The following LRP1B variants were observed in gnomAD, a reference collection of about 807,000 sequenced individuals.
LRP1B encodes the protein low-density lipoprotein receptor-related protein 1B.
A neutral mutation model predicts 556.6 loss-of-function variants in LRP1B; 217 were observed. The observed-to-expected ratio is 0.39, with a 90% CI of 0.35 to 0.44. The LOEUF is 0.44. Ranked by LOEUF, LRP1B falls within the 20% of genes least tolerant of loss-of-function variation. The probability of loss-of-function intolerance (pLI) is 1.00; values close to 1 mark genes in which losing one functional copy is unlikely to be tolerated. For synonymous variants in LRP1B, 2,047 were observed against 1,865.8 expected (o/e 1.10, Z -2.50); for missense variants, 5,053 against 5,620.8 (o/e 0.90, Z 3.23).
chr2:140,695,195 T>C (rs1223741918), intron 41 of LRP1B, among the ~76,000 whole-genome samples: 1 of 151,192 alleles, frequency 6.6e-6, no homozygotes, highest in Non-Finnish European at 1.5e-5. Flanking sequence ...CTCTACTGGG[T>C]GGTTTTAGAG....
chr2:141,525,885 CG>C (rs1354011435), intron 2 of LRP1B, among the ~76,000 whole-genome samples: 1 of 151,816 alleles, frequency 6.6e-6, no homozygotes, highest in African/African-American at 2.4e-5. Context: ...CAAAAAATAT[CG>C]TTTATTTGAA....
chr2:140,558,432 T>C (rs1680811878), intron 43 of LRP1B, among the ~76,000 whole-genome samples: 1 of 152,156 alleles, frequency 6.6e-6, no homozygotes, highest in Admixed American at 6.6e-5. Context: ...AAGTGAAGTA[T>C]GAATGCATGC....
At chr2:141,407,509 C>T (rs901418265) in intron 3 of LRP1B, among the ~76,000 whole-genome samples, 1 of 152,060 alleles carries the variant, frequency 6.6e-6, no homozygotes, top group Non-Finnish European at 1.5e-5. Flanking sequence ...ATCATACAGG[C>T]GGATCCCTCA....
At chr2:140,477,056 A>T (rs2105350393) in intron 59 of LRP1B, among the ~76,000 whole-genome samples, 1 of 152,194 alleles carries the variant, frequency 6.6e-6, no homozygotes. Context: ...TTCTAAGAAA[A>T]CATACAATTC....
intron 59 of LRP1B, among the ~76,000 whole-genome samples, chr2:140,479,803 A>G (rs1302527271): frequency 6.6e-6 from 1 of 152,234 alleles, no homozygotes; most frequent in African/African-American, 2.4e-5. Context: ...GTGAATATAT[A>G]GTTTAATGAA....
At chr2:141,026,354 A>C (rs1370251374) in intron 11 of LRP1B, among the ~76,000 whole-genome samples, 2 of 152,074 alleles carry the variant, frequency 1.3e-5, no homozygotes, top group African/African-American at 4.8e-5. Flanking sequence ...TAAACATTCA[A>C]AAAGTTGCAT....
intron 2 of LRP1B, among the ~76,000 whole-genome samples, chr2:141,754,375 T>C (rs1374605176): frequency 1.3e-5 from 2 of 152,174 alleles, no homozygotes; most frequent in Non-Finnish European, 2.9e-5. Context: ...GATTTGGAAA[T>C]GCATGGATTA....
intron 1 of LRP1B, among the ~76,000 whole-genome samples, chr2:141,985,556 G>T (rs912682255): frequency 6.6e-6 from 1 of 151,804 alleles, no homozygotes. Flanking sequence ...AGTTAGACGT[G>T]ATGTTATAAA....
At chr2:141,244,155 C>A (rs991912388) in intron 5 of LRP1B, among the ~76,000 whole-genome samples, 1 of 152,186 alleles carries the variant, frequency 6.6e-6, no homozygotes, top group Non-Finnish European at 1.5e-5. Context: ...CTGCCTCTCT[C>A]TGCCGTCACA....
At chr2:141,871,825 A>C (rs940421929) in intron 1 of LRP1B, among the ~76,000 whole-genome samples, 1 of 152,016 alleles carries the variant, frequency 6.6e-6, no homozygotes, top group African/African-American at 2.4e-5. Flanking sequence ...TACAGATGAA[A>C]AGAAGAGGAA....
chr2:141,950,201 T>C lies in LRP1B; in HGVS notation c.83-139800A>G, dbSNP rs916704163. On this transcript the variant is annotated intron_variant, in intron 1 of 90. Coordinates refer to ENST00000389484, the MANE Select transcript of LRP1B (RefSeq NM_018557.3). ...AGATAGGCTTTAAAATGTTAAATAT[T>C]TTATCTTATTTTCCAAATTGAATTT... Among the ~76,000 whole-genome samples, 61 of 152,152 alleles carry C rather than the reference T, an allele frequency of 4.0e-4. 1 individual carries two copies. Among genetic ancestry groups the C allele is most frequent in the Non-Finnish European group, 7.4e-5 (5 of 68,008 alleles).
intron 35 of LRP1B, among the ~76,000 whole-genome samples, chr2:140,752,884 T>G (rs1688629141): frequency 6.6e-6 from 1 of 152,284 alleles, no homozygotes; most frequent in East Asian, 1.9e-4. Flanking sequence ...TGACACATTG[T>G]CACCTAAAGT....
intron 5 of LRP1B, among the ~76,000 whole-genome samples, chr2:141,233,421 T>C (rs566167131): frequency 7.9e-5 from 12 of 152,314 alleles, no homozygotes; most frequent in Non-Finnish European, 1.8e-4. Context: ...GTATTTGTGC[T>C]CTGTATGATC....
intron 6 of LRP1B, among the ~76,000 whole-genome samples, chr2:141,205,912 T>C (rs1014849914): frequency 6.6e-6 from 1 of 152,208 alleles, no homozygotes; most frequent in Admixed American, 6.5e-5. Context: ...TCCTGCCAGA[T>C]GTGACCCGTT....
intron 2 of LRP1B, among the ~76,000 whole-genome samples, chr2:141,499,499 TTTAG>T (rs1683636712): frequency 1.3e-5 from 2 of 152,030 alleles, no homozygotes; most frequent in Admixed American, 6.6e-5. Flanking sequence ...TGCTTTGAGT[TTTAG>T]TTTGTTTGTT....
intron 3 of LRP1B, among the ~76,000 whole-genome samples, chr2:141,284,932 G>C (rs928800074): frequency 6.6e-6 from 1 of 152,076 alleles, no homozygotes; most frequent in Non-Finnish European, 1.5e-5. Flanking sequence ...GCTTCGATGA[G>C]TCTAGGTCCT....
At chr2:140,900,166 G>T (rs1694064090) in intron 23 of LRP1B, among the ~76,000 whole-genome samples, 1 of 152,120 alleles carries the variant, frequency 6.6e-6, no homozygotes, top group African/African-American at 2.4e-5. Flanking sequence ...AGTTATCTCT[G>T]TCCCTGGTCA....
intron 1 of LRP1B, among the ~76,000 whole-genome samples, chr2:142,040,916 T>G (rs1051875114): frequency 6.6e-6 from 1 of 151,350 alleles, no homozygotes; most frequent in African/African-American, 2.4e-5. Flanking sequence ...CTGCTAAGAC[T>G]TAAGTCCAAA....
At chr2:141,917,766 T>A (rs1700078366) in intron 1 of LRP1B, among the ~76,000 whole-genome samples, 1 of 152,230 alleles carries the variant, frequency 6.6e-6, no homozygotes, top group African/African-American at 2.4e-5. Context: ...TTATGTAATT[T>A]ACTTGCTTAA....
Sources: gnomAD v4.1 joint callset for allele counts (sites outside exome capture counted in the v4.1 genomes callset) on GRCh38, gnomAD v4.1.1 for gene constraint, MANE v1.5 for transcripts, NCBI Gene and HGNC (gene_info 2026-07-23, HGNC 2026-07-21) for gene names.